The following FNDC3B variants were observed in gnomAD, a reference collection of about 807,000 sequenced individuals.
FNDC3B encodes fibronectin type III domain-containing protein 3B.
FNDC3B carries 12 observed loss-of-function variants against 151.5 expected under a neutral mutation model. The observed-to-expected ratio is 0.08, with a 90% CI of 0.05 to 0.13. The LOEUF (loss-of-function observed/expected upper bound fraction) is 0.13, where lower values mean the gene tolerates loss of function less well. FNDC3B is among the 10% of genes least tolerant of loss of function. The pLI is 1.00. For missense variants in FNDC3B, 1,214 were observed against 1,505.3 expected (o/e 0.81, Z 3.20); for synonymous variants, 528 against 549.0 (o/e 0.96, Z 0.54).
intron 2 of FNDC3B, among the ~76,000 whole-genome samples, chr3:172,123,719 A>G (rs1340027075): frequency 2.0e-5 from 3 of 152,216 alleles, no homozygotes; most frequent in Non-Finnish European, 4.4e-5. Context: ...TTGGCAAAAA[A>G]GTCACATGGA....
chr3:172,200,411 G>GCC (rs1474304103), intron 3 of FNDC3B, among the ~76,000 whole-genome samples: 18 of 152,210 alleles, frequency 1.2e-4, no homozygotes, highest in Non-Finnish European at 2.1e-4. Context: ...GGTTAGACTT[G>GCC]TGATTTTTTG....
chr3:172,224,851 A>G (rs1009515513), intron 3 of FNDC3B, among the ~76,000 whole-genome samples: 2 of 152,234 alleles, frequency 1.3e-5, no homozygotes, highest in African/African-American at 2.4e-5. Context: ...CTAGAAACAC[A>G]TAGTTTTCTA....
At chr3:172,306,444 G>T (rs1731205929) in intron 9 of FNDC3B, among the ~76,000 whole-genome samples, 1 of 152,144 alleles carries the variant, frequency 6.6e-6, no homozygotes, top group African/African-American at 2.4e-5. Flanking sequence ...AGAATTAAGG[G>T]CTCAATATCT....
At chr3:172,362,240 A>G (rs1453473827) in intron 22 of FNDC3B, among the ~76,000 whole-genome samples, 1 of 152,048 alleles carries the variant, frequency 6.6e-6, no homozygotes, top group African/African-American at 2.4e-5. Flanking sequence ...TCTGAAGGAG[A>G]CTCATTTGTT....
intron 11 of FNDC3B, among the ~76,000 whole-genome samples, chr3:172,311,770 C>T (rs12637253): frequency 0.13 from 19,480 of 149,216 alleles, 1,596 homozygotes; most frequent in South Asian, 0.28. Context: ...CCCAGCTACT[C>T]GGGAGGCTGA....
At chr3:172,362,402 A>G (rs777693987) in intron 22 of FNDC3B, among the ~76,000 whole-genome samples, 40 of 149,056 alleles carry the variant, frequency 2.7e-4, no homozygotes, top group Non-Finnish European at 5.0e-4. Flanking sequence ...GAACTAAGAG[A>G]TATCTTGCTA....
chr3:172,329,063 G>C lies in FNDC3B; in HGVS notation c.1366G>C (p.Asp456His). Residue 456 changes from aspartate (D) to histidine (H), a missense_variant, in exon 12 of 26, where the codon GAC (aspartate) becomes CAC (histidine). This residue lies in a region of FNDC3B where 111 missense variants were observed against 96.8 expected (regional missense o/e 1.15). Transcript: ENST00000415807. ...CACATTCAGGCTGGCCGCTCGAAACGACATTGGTACCAGGTATGACGTTTC... is the reference window on the plus strand; with the variant it reads ...CACATTCAGGCTGGCCGCTCGAAACCACATTGGTACCAGGTATGACGTTTC... The part of the protein sequence containing the change: ...GYTFRLAARN[D>H]IGTSGYSQEV... The C allele has an allele frequency of 6.2e-7, 1 of 1,613,282 alleles. No individual in the cohort carries two copies. The highest frequency in any genetic ancestry group is 1.3e-5 in the African/African-American group (1 of 75,012).
chr3:172,339,299 C>T (rs1387134528), intron 16 of FNDC3B, among the ~76,000 whole-genome samples: 3 of 152,044 alleles, frequency 2.0e-5, no homozygotes, highest in Admixed American at 6.6e-5. Context: ...CATGGTGGCT[C>T]ACACCTGTAA....
chr3:172,396,347 G>C (rs1736277018), intron 25 of FNDC3B, among the ~76,000 whole-genome samples: 1 of 152,106 alleles, frequency 6.6e-6, no homozygotes, highest in East Asian at 1.9e-4. Context: ...GTGGAGGTGG[G>C]ATATCTTGAG....
intron 3 of FNDC3B, among the ~76,000 whole-genome samples, chr3:172,143,089 G>T (rs1054785674): frequency 1.3e-5 from 2 of 152,140 alleles, no homozygotes; most frequent in Non-Finnish European, 2.9e-5. Flanking sequence ...TTCAATGTAT[G>T]AATTTGCGCT....
chr3:172,111,338 C>T (rs1719955219), intron 1 of FNDC3B, among the ~76,000 whole-genome samples: 1 of 152,148 alleles, frequency 6.6e-6, no homozygotes, highest in African/African-American at 2.4e-5. Context: ...TGAGGATAAA[C>T]TATCAGGCTT....
intron 22 of FNDC3B, among the ~76,000 whole-genome samples, chr3:172,358,821 C>T (rs1734219455): frequency 6.6e-6 from 1 of 152,208 alleles, no homozygotes; most frequent in Non-Finnish European, 1.5e-5. Flanking sequence ...AAAAAAGTCA[C>T]TGTCCCCAAT....
chr3:172,230,023 A>G (rs1294304667), intron 4 of FNDC3B, among the ~76,000 whole-genome samples: 5 of 152,250 alleles, frequency 3.3e-5, no homozygotes, highest in African/African-American at 7.2e-5. Flanking sequence ...AAAATGGACT[A>G]TAAACATAAA....
chr3:172,320,340 A>C (rs1038350176), intron 11 of FNDC3B, among the ~76,000 whole-genome samples: 4 of 152,124 alleles, frequency 2.6e-5, no homozygotes, highest in African/African-American at 9.7e-5. Flanking sequence ...AGATCATTCC[A>C]CTGCACTCCA....
intron 7 of FNDC3B, among the ~76,000 whole-genome samples, chr3:172,286,622 A>G (rs1419389122): frequency 1.3e-5 from 2 of 152,224 alleles, no homozygotes; most frequent in African/African-American, 2.4e-5. Flanking sequence ...TTAACAGAAG[A>G]GTCCAAACAT....
chr3:172,204,001 C>A (rs1019110490), intron 3 of FNDC3B, among the ~76,000 whole-genome samples: 1 of 152,172 alleles, frequency 6.6e-6, no homozygotes, highest in Admixed American at 6.5e-5. Flanking sequence ...GGGCCGCCAG[C>A]GTCTCGTTCT....
At chr3:172,294,639 G>A (rs917312962) in intron 7 of FNDC3B, among the ~76,000 whole-genome samples, 6 of 152,180 alleles carry the variant, frequency 3.9e-5, no homozygotes, top group Non-Finnish European at 7.3e-5. Flanking sequence ...AAGCCCATGC[G>A]GGGGTCTATC....
chr3:172,309,054 TAGG>T (rs1382674707), intron 10 of FNDC3B, among the ~76,000 whole-genome samples: 1 of 152,242 alleles, frequency 6.6e-6, no homozygotes, highest in African/African-American at 2.4e-5. Flanking sequence ...ATTTTCTTAT[TAGG>T]AGGAAAACGT....
At chr3:172,164,224 G>T (rs914055624) in intron 3 of FNDC3B, among the ~76,000 whole-genome samples, 1 of 152,156 alleles carries the variant, frequency 6.6e-6, no homozygotes, top group Non-Finnish European at 1.5e-5. Context: ...ACACATTTTT[G>T]TATAATAAAA....
Sources: gnomAD v4.1 joint callset for allele counts (sites outside exome capture counted in the v4.1 genomes callset) on GRCh38, gnomAD v4.1.1 for gene constraint, gnomAD v4.1.1 regional missense constraint, MANE v1.5 for transcripts, NCBI Gene and HGNC (gene_info 2026-07-23, HGNC 2026-07-21) for gene names.